The following TNFRSF1B variants were observed in gnomAD, a reference collection of about 807,000 sequenced individuals.
TNFRSF1B encodes TNF receptor superfamily member 1B.
In TNFRSF1B, 19 loss-of-function variants were observed where a neutral mutation model predicts 44.6. The ratio of observed to expected loss-of-function variants is 0.43; its 90% CI spans 0.30 to 0.62. TNFRSF1B has a LOEUF of 0.62. Ranked by LOEUF, TNFRSF1B falls within the 20% of genes least tolerant of loss-of-function variation. The pLI is 0.16. For synonymous variants in TNFRSF1B, 252 were observed against 261.1 expected (o/e 0.97, Z 0.34); for missense variants, 541 against 619.9 (o/e 0.87, Z 1.35).
In TNFRSF1B at chr1:12,186,787, G is replaced by A. The variant is rs1322164362; in HGVS notation, c.79-2009G>A. Among the ~76,000 whole-genome samples the A allele has an allele frequency of 1.3e-5, 2 of 152,338 alleles. No individual in the cohort carries two copies. Among genetic ancestry groups the A allele is most frequent in the East Asian group, 1.9e-4 (1 of 5,184 alleles). On this transcript the variant is annotated intron_variant, in intron 1 of 9. Coordinates refer to ENST00000376259, the MANE Select transcript of TNFRSF1B (RefSeq NM_001066.3). This position sits in a 1 kb window ranked among gnomAD's most constrained non-coding sequence, Gnocchi z 4.8. ...TGCCCTTTGTTCATTTCCAGGTGACGCATCTGTGGGGGCCCCTGAAGGACT... is the reference window on the plus strand; with the variant it reads ...TGCCCTTTGTTCATTTCCAGGTGACACATCTGTGGGGGCCCCTGAAGGACT...
Position 12,207,177 on chromosome 1 carries a change from T to G in TNFRSF1B, c.*157T>G. The stretch of plus-strand genomic sequence containing the variant: ...GTGCCCTCCACAGCCGCAGCCTCCC[T>G]CTGACCTGCAGGCCAAGAGCAGAGG... On this transcript the variant is annotated 3_prime_UTR_variant, in exon 10 of 10. Transcript: ENST00000376259. 2.8e-6 allele frequency: 2 copies of G among 714,446 alleles called. No homozygotes were observed. Among genetic ancestry groups the G allele is most frequent in the South Asian group, 6.0e-5 (2 of 33,552 alleles). 44.3% of individuals were successfully genotyped at this position (714,446 alleles called of 1,614,324 possible).
At position 12,186,799 on chromosome 1, in the gene TNFRSF1B, G is replaced by T. The variant is rs375509940; in HGVS notation, c.79-1997G>T. ...ATTTCCAGGTGACGCATCTGTGGGG[G>T]CCCCTGAAGGACTTGGGGTGTGTGT... On this transcript the variant is annotated intron_variant, in intron 1 of 9. Transcript: ENST00000376259. This position sits in a 1 kb window ranked among gnomAD's most constrained non-coding sequence, Gnocchi z 4.8. Among the ~76,000 whole-genome samples, 20 of 152,336 alleles carry T rather than the reference G, an allele frequency of 1.3e-4. 2 individuals carry two copies. Among genetic ancestry groups the T allele is most frequent in the Admixed American group, 3.9e-4 (6 of 15,306 alleles).
rs1341057348 is a variant in TNFRSF1B, at chr1:12,199,735, TC to T, written c.901-2230del. ...GGGCGGTGGCACCTGCGCTGCTCGC[TC>T]CACCCCTGCTCTCACCTCCCGCTGC... On this transcript the variant is annotated intron_variant, in intron 8 of 9. Coordinates refer to ENST00000376259, the MANE Select transcript of TNFRSF1B (RefSeq NM_001066.3). This position sits in a 1 kb window ranked among gnomAD's most constrained non-coding sequence, Gnocchi z 4.0. Among the ~76,000 whole-genome samples the T allele has an allele frequency of 6.6e-6, 1 of 152,096 alleles. No homozygotes were observed. The highest frequency in any genetic ancestry group is 1.5e-5 in the Non-Finnish European group (1 of 68,004).
At chr1:12,181,263 T>C (rs572098674) in intron 1 of TNFRSF1B, among the ~76,000 whole-genome samples, 29 of 152,280 alleles carry the variant, frequency 1.9e-4, no homozygotes, top group African/African-American at 6.7e-4. Context: ...GCCTTGCCAG[T>C]TCTTGGCTAA....
intron 4 of TNFRSF1B, 116 bp downstream of exon 4, chr1:12,192,039 G>A: frequency 7.3e-7 from 1 of 1,367,926 alleles, no homozygotes; most frequent in Non-Finnish European, 9.8e-7. Flanking sequence ...ACTGTTAGTG[G>A]TGGCCAGGTG....
intron 8 of TNFRSF1B, among the ~76,000 whole-genome samples, chr1:12,200,426 T>C (rs1639361197): frequency 6.6e-6 from 1 of 151,918 alleles, no homozygotes; most frequent in South Asian, 2.1e-4. Context: ...GCACGCTTTC[T>C]CTGTAAAGGG....
rs147733039 is a variant in TNFRSF1B, at chr1:12,183,282, C to T, written c.79-5514C>T. Among the ~76,000 whole-genome samples the T allele has an allele frequency of 2.6e-4, 39 of 152,306 alleles. 1 individual carries two copies. The East Asian group carries it at 7.0e-3, about 27-fold the overall frequency. On this transcript the variant is annotated intron_variant, in intron 1 of 9. Transcript: ENST00000376259. The stretch of plus-strand genomic sequence containing the variant: ...CCATAGTCCTCTATCCGCTTGCCGC[C>T]ATCCTGGCCCTGGCATGGCCCAAAG...
chr1:12,173,923 G>A (rs1008578341), intron 1 of TNFRSF1B, among the ~76,000 whole-genome samples: 25 of 152,284 alleles, frequency 1.6e-4, no homozygotes, highest in African/African-American at 5.5e-4. Context: ...TGTGAGCCCC[G>A]GAGGAGGAAG....
In TNFRSF1B at chr1:12,186,052, C is replaced by T. The variant is rs984576027; in HGVS notation, c.79-2744C>T. Among the ~76,000 whole-genome samples the T allele has an allele frequency of 2.0e-5, 3 of 152,196 alleles. No individual in the cohort carries two copies. The highest frequency in any genetic ancestry group is 7.2e-5 in the African/African-American group (3 of 41,456). On this transcript the variant is annotated intron_variant, in intron 1 of 9. Coordinates refer to ENST00000376259, the MANE Select transcript of TNFRSF1B (RefSeq NM_001066.3). The surrounding 1 kb of genome is among the most constrained non-coding windows in gnomAD (Gnocchi z 4.8). Reference sequence around the variant, plus strand: ...TTGTTACAGGAAGCACCAGGCCATTCCAGGCATAGAAATCAGCTGGGGTGC... The same window carrying T: ...TTGTTACAGGAAGCACCAGGCCATTTCAGGCATAGAAATCAGCTGGGGTGC...
intron 1 of TNFRSF1B, among the ~76,000 whole-genome samples, chr1:12,175,184 C>T (rs1570127111): frequency 1.3e-5 from 2 of 152,168 alleles, no homozygotes; most frequent in Non-Finnish European, 2.9e-5. Context: ...GGCCAGAGGC[C>T]GTGGGAGTGG....
chr1:12,174,532 G>A (rs1638610082), intron 1 of TNFRSF1B, among the ~76,000 whole-genome samples: 1 of 152,206 alleles, frequency 6.6e-6, no homozygotes, highest in South Asian at 2.1e-4. Context: ...ACAGGCGTGA[G>A]CCACTGCGCC....
At position 12,171,696 on chromosome 1, in the gene TNFRSF1B, G is replaced by A. The variant is rs1349276187; in HGVS notation, c.78+4527G>A. ...TAATTCTTTGTTGTGGGGCTGTCCC[G>A]TGAGCTGTAGGATGTTTAGCGACAT... On this transcript the variant is annotated intron_variant, in intron 1 of 9. Coordinates refer to ENST00000376259, the MANE Select transcript of TNFRSF1B (RefSeq NM_001066.3). This position sits in a 1 kb window ranked among gnomAD's most constrained non-coding sequence, Gnocchi z 4.5. Among the ~76,000 whole-genome samples, 3 of 152,152 alleles carry A rather than the reference G, an allele frequency of 2.0e-5. No individual in the cohort carries two copies. Among genetic ancestry groups the A allele is most frequent in the Non-Finnish European group, 1.5e-5 (1 of 68,032 alleles).
In TNFRSF1B at chr1:12,168,917, G is replaced by C. The variant is rs1638459021; in HGVS notation, c.78+1748G>C. Among the ~76,000 whole-genome samples, 1 of 152,148 alleles carries C rather than the reference G, an allele frequency of 6.6e-6. No homozygotes were observed. Among genetic ancestry groups the C allele is most frequent in the South Asian group, 2.1e-4 (1 of 4,836 alleles). Reference sequence around the variant, plus strand: ...TGGTTGAGGCAGAAACTCCCCTGGAGATCCCAGGCCAGAGTAAGGTACCTG... The same window carrying C: ...TGGTTGAGGCAGAAACTCCCCTGGACATCCCAGGCCAGAGTAAGGTACCTG... On this transcript the variant is annotated intron_variant, in intron 1 of 9. Transcript: ENST00000376259. This position sits in a 1 kb window ranked among gnomAD's most constrained non-coding sequence, Gnocchi z 4.7.
At chr1:12,198,297 G>T (rs891768144) in intron 8 of TNFRSF1B, among the ~76,000 whole-genome samples, 1 of 152,080 alleles carries the variant, frequency 6.6e-6, no homozygotes, top group East Asian at 1.9e-4. Context: ...GCTGCCACAC[G>T]CAGGCAGTAT....
rs573397229 is a variant in TNFRSF1B at position 12,194,468 on chromosome 1, G to A, written c.866-116G>A. 1.5e-3 allele frequency: 1,563 copies of A among 1,064,816 alleles called. 3 individuals are homozygous for A. The highest frequency in any genetic ancestry group is 2.0e-3 in the Non-Finnish European group (1,418 of 701,070). The allele number at this position is 1,064,816 out of a possible 1,614,324, so 66.0% of individuals were successfully genotyped here. On this transcript the variant is annotated intron_variant, in intron 7 of 9. Transcript: ENST00000376259. Reference sequence around the variant, plus strand: ...GTGGACCTTGTCTGGTAGGCGATTGGTCCCCACAGGGCTGGGCCTCTCTGC... The same window carrying A: ...GTGGACCTTGTCTGGTAGGCGATTGATCCCCACAGGGCTGGGCCTCTCTGC...
At chr1:12,167,494 C>T in intron 1 of TNFRSF1B, 1 of 428,172 alleles carries the variant, frequency 2.3e-6, no homozygotes, top group Non-Finnish European at 4.3e-6. Flanking sequence ...CTGGGCAGAC[C>T]CCCGCTAGAC....
chr1:12,173,514 C>T (rs2101077779), intron 1 of TNFRSF1B, among the ~76,000 whole-genome samples: 1 of 152,334 alleles, frequency 6.6e-6, no homozygotes, highest in Admixed American at 6.5e-5. Flanking sequence ...TGTCCTGCCT[C>T]TCTGCCCCTT....
intron 1 of TNFRSF1B, among the ~76,000 whole-genome samples, chr1:12,184,531 C>G (rs1638934933): frequency 6.6e-6 from 1 of 152,140 alleles, no homozygotes; most frequent in Non-Finnish European, 1.5e-5. Context: ...GACGGTCACT[C>G]ACAGCAAAGC....
chr1:12,167,792 T>C (rs1054979090), intron 1 of TNFRSF1B, among the ~76,000 whole-genome samples: 1 of 152,016 alleles, frequency 6.6e-6, no homozygotes, highest in Non-Finnish European at 1.5e-5. Flanking sequence ...GAGTCTGTTT[T>C]CTGCGGCCTC....
Sources: gnomAD v4.1 joint callset for allele counts (sites outside exome capture counted in the v4.1 genomes callset) on GRCh38, gnomAD v4.1.1 for gene constraint, Gnocchi (gnomAD v3.1) non-coding constraint, MANE v1.5 for transcripts, NCBI Gene and HGNC (gene_info 2026-07-23, HGNC 2026-07-21) for gene names.